Variants in FGF13 observed in about 807,000 individuals in gnomAD.
The protein encoded by FGF13 is fibroblast growth factor 13.
A neutral mutation model predicts 19.5 loss-of-function variants in FGF13; 2 were observed. The ratio of observed to expected loss-of-function variants is 0.10; its 90% confidence interval spans 0.04 to 0.32. FGF13 has a LOEUF of 0.32. FGF13 is among the 10% of genes least tolerant of loss of function. The probability of loss-of-function intolerance (pLI) is 1.00; values close to 1 mark genes in which losing one functional copy is unlikely to be tolerated. For missense variants in FGF13, 113 were observed against 192.7 expected (o/e 0.59, Z 2.45); for synonymous variants, 72 against 76.9 (o/e 0.94, Z 0.33).
chrX:139,046,457 C>G (rs2092287667), intron 1 of FGF13, among the ~76,000 whole-genome samples: 1 of 111,507 alleles, frequency 9.0e-6, no homozygotes, highest in African/African-American at 3.3e-5. Context: ...TGAGGATTCA[C>G]ACTTTTCTGT....
At chrX:139,125,922 C>G (rs2083712020) in intron 1 of FGF13, among the ~76,000 whole-genome samples, 1 of 111,914 alleles carries the variant, frequency 8.9e-6, no homozygotes, top group Non-Finnish European at 1.9e-5. Context: ...ACCCTCAACC[C>G]CTGCTACCAG....
At chrX:138,667,635 T>C (rs1008883627) in intron 3 of FGF13, 10 of 337,176 alleles carry the variant, frequency 3.0e-5, no homozygotes, top group African/African-American at 1.6e-4. Context: ...AGCATTGGGG[T>C]GGTGGGGTAA....
At chrX:138,967,799 G>A (rs2091900984) in intron 1 of FGF13, among the ~76,000 whole-genome samples, 1 of 111,658 alleles carries the variant, frequency 9.0e-6, no homozygotes, top group South Asian at 3.8e-4. Flanking sequence ...GAGAATACAA[G>A]GCTGTACCTT....
At position 139,102,840 on chromosome X, in the gene FGF13, C is replaced by A. The variant is rs374443700; in HGVS notation, c.-113+100576G>T. Among the ~76,000 whole-genome samples, 8 of 112,551 alleles carry A rather than the reference C, an allele frequency of 7.1e-5. No homozygotes were observed. In the East Asian group the frequency reaches 1.4e-3, roughly 20 times the overall value. ...CAGCAACGTGGAAAGGCTCCATGGA[C>A]AAGCAGGGTTTAGAAGGGCCTGACT... is the stretch of plus-strand genomic sequence containing the variant. On this transcript the variant is annotated intron_variant, in intron 1 of 2. Transcript: ENST00000421460.
chrX:138,813,036 T>C (rs767994215), intron 3 of FGF13, among the ~76,000 whole-genome samples: 153 of 112,400 alleles, frequency 1.4e-3, no homozygotes, highest in African/African-American at 4.9e-3. Flanking sequence ...TCACATTCCC[T>C]TTTATGGCTG....
At chrX:139,155,143 A>G (rs2083967364) in intron 1 of FGF13, among the ~76,000 whole-genome samples, 2 of 111,841 alleles carry the variant, frequency 1.8e-5, no homozygotes, top group South Asian at 7.5e-4. Context: ...ACAGGAGCAC[A>G]TATACAGGCC....
chrX:138,850,203 A>G (rs2091212779), intron 3 of FGF13, among the ~76,000 whole-genome samples: 1 of 111,878 alleles, frequency 8.9e-6, no homozygotes, highest in South Asian at 3.7e-4. Context: ...AGATGCATAT[A>G]TTCAATAAGA....
chrX:138,685,168 A>G (rs1028552049), intron 3 of FGF13, among the ~76,000 whole-genome samples: 3 of 111,437 alleles, frequency 2.7e-5, no homozygotes, highest in Non-Finnish European at 5.7e-5. Context: ...CCACTAAAGG[A>G]GCATAATTGC....
intron 1 of FGF13, among the ~76,000 whole-genome samples, chrX:139,050,652 A>G (rs2092301086): frequency 8.9e-6 from 1 of 112,322 alleles, no homozygotes; most frequent in Non-Finnish European, 1.9e-5. Flanking sequence ...TATGTTTTAA[A>G]ATAGAATGTG....
chrX:138,902,527 C>G, intron 1 of FGF13, among the ~76,000 whole-genome samples: 1 of 111,782 alleles, frequency 8.9e-6, no homozygotes, highest in Non-Finnish European at 1.9e-5. Flanking sequence ...TTTTAACATT[C>G]TCTCCATCAA....
At chrX:139,069,716 C>G (rs1373500708) in intron 1 of FGF13, among the ~76,000 whole-genome samples, 1 of 112,095 alleles carries the variant, frequency 8.9e-6, no homozygotes, top group Non-Finnish European at 1.9e-5. Context: ...CATCACGCTA[C>G]GTGACTTCAC....
At chrX:139,033,894 G>A (rs778379413) in intron 1 of FGF13, among the ~76,000 whole-genome samples, 18 of 111,610 alleles carry the variant, frequency 1.6e-4, no homozygotes, top group Non-Finnish European at 2.8e-4. Flanking sequence ...TCTCTCCATT[G>A]CTACATGTCT....
intron 1 of FGF13, among the ~76,000 whole-genome samples, chrX:139,160,887 T>C (rs1053437390): frequency 9.0e-6 from 1 of 111,673 alleles, no homozygotes; most frequent in African/African-American, 3.3e-5. Flanking sequence ...CAGGACCAGA[T>C]GGATTCACAG....
At chrX:138,851,652 C>T (rs892772308) in intron 3 of FGF13, among the ~76,000 whole-genome samples, 5 of 111,696 alleles carry the variant, frequency 4.5e-5, no homozygotes, top group African/African-American at 1.3e-4. Flanking sequence ...CCTTGAAAAC[C>T]GGCACAAGAC....
intron 3 of FGF13, among the ~76,000 whole-genome samples, chrX:138,637,750 A>T (rs2089200426): frequency 8.9e-6 from 1 of 112,187 alleles, no homozygotes; most frequent in Non-Finnish European, 1.9e-5. Context: ...GTGCTACCAT[A>T]AGGAAAGAAA....
Position 138,794,689 on chromosome X carries a change from C to T in FGF13, c.217+62823G>A, listed in dbSNP as rs139415318. On this transcript the variant is annotated intron_variant, in intron 3 of 6. Transcript: ENST00000436198. ...ATCAAAGGTAAGGAAACTGACCTAT[C>T]GTCCCAAAGGTAATAATTTGTTTTG... Among the ~76,000 whole-genome samples, 490 of 111,452 alleles carry T rather than the reference C, an allele frequency of 4.4e-3. 3 individuals are homozygous for T. The highest frequency in any genetic ancestry group is 0.015 in the African/African-American group (463 of 30,698).
intron 1 of FGF13, among the ~76,000 whole-genome samples, chrX:138,911,404 C>T (rs1378671729): frequency 9.2e-6 from 1 of 108,640 alleles, no homozygotes; most frequent in Non-Finnish European, 1.9e-5. Context: ...TAAGTGGGAG[C>T]TAAACGATGA....
chrX:138,932,375 T>C (rs1268195987), intron 1 of FGF13, among the ~76,000 whole-genome samples: 1 of 111,319 alleles, frequency 9.0e-6, no homozygotes, highest in East Asian at 2.8e-4. Context: ...GGTCAGGAGC[T>C]TAAGACCAGC....
chrX:139,021,508 A>G (rs940822911), intron 1 of FGF13, among the ~76,000 whole-genome samples: 2 of 111,551 alleles, frequency 1.8e-5, no homozygotes, highest in East Asian at 5.7e-4. Flanking sequence ...AAAATTTAAT[A>G]CAATCATAGA....
Sources: allele counts gnomAD v4.1 joint callset (sites outside exome capture counted in the v4.1 genomes callset), GRCh38; gene constraint gnomAD v4.1.1; transcripts MANE v1.5; gene names NCBI Gene and HGNC (gene_info 2026-07-23, HGNC 2026-07-21).